The following ASAP1 variants were observed in gnomAD, a reference collection of about 807,000 sequenced individuals.
The protein encoded by ASAP1 is arf-GAP with SH3 domain, ANK repeat and PH domain-containing protein 1.
Under a neutral mutation model 145.2 loss-of-function variants are expected in ASAP1, and 43 were observed. The observed-to-expected ratio is 0.30, with a 90% CI of 0.23 to 0.38. The LOEUF is 0.38. Ranked by LOEUF, ASAP1 falls within the 10% of genes least tolerant of loss-of-function variation. The pLI is 1.00. For synonymous variants in ASAP1, 546 were observed against 515.5 expected, an observed-to-expected ratio of 1.06 and a Z score of -0.80; for missense variants, 1,018 against 1,355.3, an observed-to-expected ratio of 0.75 and a Z score of 3.91.
At chr8:130,267,132 AAC>A (rs368606650) in intron 3 of ASAP1, among the ~76,000 whole-genome samples, 15,763 of 140,534 alleles carry the variant, frequency 0.11, 926 homozygotes, top group East Asian at 0.25. Context: ...ACAAAAAAAA[AAC>A]AAAACAAAAA....
chr8:130,165,685 C>T (rs1022863522), intron 11 of ASAP1, among the ~76,000 whole-genome samples: 4 of 152,212 alleles, frequency 2.6e-5, no homozygotes, highest in Non-Finnish European at 5.9e-5. Context: ...ACTCTGCCTA[C>T]TCCACAGGTT....
intron 2 of ASAP1, among the ~76,000 whole-genome samples, chr8:130,400,914 C>G (rs1218353632): frequency 6.6e-6 from 1 of 152,056 alleles, no homozygotes; most frequent in Non-Finnish European, 1.5e-5. Context: ...AAGTCTCATT[C>G]TTGACCCCCA....
At position 130,072,790 on chromosome 8, in the gene ASAP1, G is replaced by GGT. The variant is rs142924621; in HGVS notation, c.2701+3557_2701+3558insAC. 4.8e-3 allele frequency among the ~76,000 whole-genome samples: 317 copies of GGT among 65,878 alleles called. 11 individuals carry two copies. The highest frequency in any genetic ancestry group is 8.3e-3 in the Middle Eastern group (1 of 120). 43.2% of individuals were successfully genotyped at this position (65,878 alleles called of 152,430 possible). A position where few individuals can be genotyped will look rare whatever the true frequency, so the allele number is the denominator to read the frequency against. On this transcript the variant is annotated intron_variant, in intron 27 of 29. Transcript: ENST00000518721. ...GTTCTGAAGGCCTGGACTTGCAATT[G>GGT]ATATGTGTGTGTGTGTGTGTGTGTG...
chr8:130,185,762 A>G (rs1489119923), intron 7 of ASAP1, among the ~76,000 whole-genome samples: 2 of 150,424 alleles, frequency 1.3e-5, no homozygotes, highest in Non-Finnish European at 3.0e-5. Context: ...AAAGAAAAAG[A>G]AAAAAAAAGA....
intron 11 of ASAP1, among the ~76,000 whole-genome samples, chr8:130,165,481 A>G (rs2097678179): frequency 6.6e-6 from 1 of 152,192 alleles, no homozygotes; most frequent in Non-Finnish European, 1.5e-5. Context: ...CCTAGGATTT[A>G]TGTGTCAGTA....
chr8:130,262,416 A>AAAAAAAAAAAGAG (rs1819974520), intron 3 of ASAP1, among the ~76,000 whole-genome samples: 2 of 57,848 alleles, frequency 3.5e-5, no homozygotes, highest in African/African-American at 1.4e-4. Flanking sequence ...AAAAAAAAAA[A>AAAAAAAAAAAGAG]AGAGAGAGAG....
intron 3 of ASAP1, among the ~76,000 whole-genome samples, chr8:130,316,840 T>C (rs1823690985): frequency 6.6e-6 from 1 of 152,274 alleles, no homozygotes; most frequent in Non-Finnish European, 1.5e-5. Flanking sequence ...ATTTTCCCCC[T>C]GTAATATGCA....
chr8:130,268,997 T>C (rs545908250), intron 3 of ASAP1, among the ~76,000 whole-genome samples: 2 of 152,272 alleles, frequency 1.3e-5, no homozygotes, highest in African/African-American at 2.4e-5. Flanking sequence ...GCACTTAAAC[T>C]ACTAACAAAA....
intron 24 of ASAP1, among the ~76,000 whole-genome samples, chr8:130,095,353 T>C (rs147358595): frequency 2.1e-5 from 3 of 143,336 alleles, no homozygotes; most frequent in African/African-American, 7.9e-5. Context: ...CAGGCTGGAG[T>C]GCAGTGGCGT....
At chr8:130,399,693 A>T (rs1440615742) in intron 2 of ASAP1, among the ~76,000 whole-genome samples, 2 of 152,110 alleles carry the variant, frequency 1.3e-5, no homozygotes, top group Non-Finnish European at 2.9e-5. Context: ...ACAATGCCCT[A>T]TGTGCCTACT....
At chr8:130,174,865 T>C (rs575976291) in intron 9 of ASAP1, among the ~76,000 whole-genome samples, 5 of 152,392 alleles carry the variant, frequency 3.3e-5, no homozygotes, top group East Asian at 3.8e-4. Context: ...ATGTTCCATT[T>C]TGATATACCA....
chr8:130,295,339 CT>C (rs796514172), intron 3 of ASAP1, among the ~76,000 whole-genome samples: 112 of 146,178 alleles, frequency 7.7e-4, no homozygotes, highest in Middle Eastern at 3.5e-3. Flanking sequence ...GATAGTAACT[CT>C]TTTTTTTTTT....
chr8:130,118,739 G>C (rs1454549596), intron 18 of ASAP1, 64 bp from the exon 19 acceptor site: 1 of 1,161,266 alleles, frequency 8.6e-7, no homozygotes, highest in African/African-American at 1.6e-5. Flanking sequence ...ACATTTTTCT[G>C]ACAAACATTT....
At position 130,053,787 on chromosome 8, in the gene ASAP1, T is replaced by C. The variant is rs1295811642; in HGVS notation, c.*944A>G. On this transcript the variant is annotated 3_prime_UTR_variant, in exon 30 of 30. Transcript: ENST00000518721. ...CATAACACAATATGTCAATCCATAC[T>C]CTTGAGAAAGCCAGTGATTAGAAAC... is the stretch of plus-strand genomic sequence containing the variant. The C allele has an allele frequency of 1.3e-5, 2 of 152,362 alleles. No homozygotes were observed. Among genetic ancestry groups the C allele is most frequent in the East Asian group, 3.9e-4 (2 of 5,192 alleles). 9.4% of individuals were successfully genotyped at this position (152,362 alleles called of 1,614,324 possible).
intron 18 of ASAP1, among the ~76,000 whole-genome samples, chr8:130,123,093 G>A (rs774119004): frequency 6.6e-6 from 1 of 152,144 alleles, no homozygotes; most frequent in Non-Finnish European, 1.5e-5. Flanking sequence ...ATAGTGTTCT[G>A]TTGTGTGGCT....
At chr8:130,252,359 T>C (rs914510659) in intron 3 of ASAP1, among the ~76,000 whole-genome samples, 2 of 152,124 alleles carry the variant, frequency 1.3e-5, no homozygotes, top group Non-Finnish European at 2.9e-5. Flanking sequence ...ATTAAGAAAA[T>C]TTTTTCTTTT....
At chr8:130,087,953 G>A (rs2097497289) in intron 25 of ASAP1, among the ~76,000 whole-genome samples, 1 of 152,080 alleles carries the variant, frequency 6.6e-6, no homozygotes, top group Non-Finnish European at 1.5e-5. Flanking sequence ...TGCTGGGATG[G>A]GTGAACATAT....
chr8:130,118,739 G>T (rs1454549596), intron 18 of ASAP1, 64 bp from the exon 19 acceptor site: 1 of 1,161,384 alleles, frequency 8.6e-7, no homozygotes, highest in Non-Finnish European at 1.2e-6. Flanking sequence ...ACATTTTTCT[G>T]ACAAACATTT....
intron 3 of ASAP1, among the ~76,000 whole-genome samples, chr8:130,347,809 T>G (rs1825784730): frequency 6.6e-6 from 1 of 152,166 alleles, no homozygotes; most frequent in Non-Finnish European, 1.5e-5. Context: ...GCGAGCTGCC[T>G]TCATCTACCA....
Sources: gnomAD v4.1 joint callset for allele counts (sites outside exome capture counted in the v4.1 genomes callset) on GRCh38, gnomAD v4.1.1 for gene constraint, MANE v1.5 for transcripts, NCBI Gene and HGNC (gene_info 2026-07-23, HGNC 2026-07-21) for gene names.